Variants in F12 observed in about 807,000 individuals in gnomAD.
The protein encoded by F12 is Hageman factor.
A neutral mutation model predicts 74.8 loss-of-function variants in F12; 70 were observed. The observed-to-expected ratio is 0.94, with a 90% CI of 0.77 to 1.14. F12 has a LOEUF of 1.14. Ranked by LOEUF, F12 falls within the 50% of genes most tolerant of loss-of-function variation. F12 has a pLI of 0.00. For missense variants in F12, 811 were observed against 835.7 expected (o/e 0.97, Z 0.36); for synonymous variants, 373 against 356.4 (o/e 1.05, Z -0.52).
In F12 at chr5:177,403,628, G is replaced by T. The variant is rs368092730; in HGVS notation, c.1251-11C>A. On this transcript the variant is annotated splice_polypyrimidine_tract_variant and intron_variant, in intron 10 of 13. Transcript: ENST00000253496. ...TCCTCGGGTGCGGGCCTGCGGGGGG[G>T]GTAGGGGAGAGGCAGCGCTCTCAGA... The T allele has an allele frequency of 2.5e-6, 4 of 1,600,530 alleles. No individual in the cohort carries two copies. Among genetic ancestry groups the T allele is most frequent in the Admixed American group, 1.7e-5 (1 of 59,864 alleles).
At position 177,404,004 on chromosome 5, in the gene F12, A is replaced by G. The variant is rs756465311; in HGVS notation, c.1105T>C (p.Ser369Pro). The change falls in exon 10 of 14, where the codon TCG (serine) becomes CCG (proline). Residue 369 changes from serine (S) to proline (P), a missense_variant. Transcript: ENST00000253496. ...AGCCCGCCAACGACGCGGGTCATCGAAGACAGACTCTTGCGGAGCCGCTGC... is the reference window on the plus strand; with the variant it reads ...AGCCCGCCAACGACGCGGGTCATCGGAGACAGACTCTTGCGGAGCCGCTGC... ...CGQRLRKSLS[S>P]MTRVVGGLVA... 8 of 1,602,810 alleles carry G rather than the reference A, an allele frequency of 5.0e-6. No individual in the cohort carries two copies. The highest frequency in any genetic ancestry group is 6.8e-6 in the Non-Finnish European group (8 of 1,179,696).
chr5:177,403,148 C>A, intron 12 of F12, 106 bp downstream of exon 12: 1 of 1,476,736 alleles, frequency 6.8e-7, no homozygotes, highest in Non-Finnish European at 9.3e-7. Flanking sequence ...TCAGCGCCAC[C>A]CATTCTGTAG....
Position 177,403,292 on chromosome 5 carries a change from G to A in F12, c.1493C>T (p.Thr498Met), listed in dbSNP as rs1276341896. 5 of 1,600,240 alleles carry A rather than the reference G, an allele frequency of 3.1e-6. No homozygotes were observed. Among genetic ancestry groups the A allele is most frequent in the African/African-American group, 1.3e-5 (1 of 75,048 alleles). The change falls in exon 12 of 14, where the codon ACG becomes ATG. Residue 498 changes from threonine (T) to methionine (M), a missense_variant. Thr to Met is a moderately conservative substitution (Grantham distance 81). Transcript: ENST00000253496. The stretch of plus-strand genomic sequence containing the variant: ...GCCCCAGCCGGCCACCTGGCAGAGC[G>A]TGGTCTCGGAGGGTCGCGCGGCGCC... ...PSGAARPSET[T>M]LCQVAGWGHQ...
chr5:177,405,466 G>A, intron 4 of F12, 33 bp from the exon 5 acceptor site: 2 of 1,595,586 alleles, frequency 1.3e-6, no homozygotes, highest in Middle Eastern at 1.7e-4. Flanking sequence ...GGAAGAGCAG[G>A]GAGCTGAGTC....
At chr5:177,408,951 G>A (rs1763346768) in intron 2 of F12, 95 bp downstream of exon 2, 3 of 1,168,092 alleles carry the variant, frequency 2.6e-6, no homozygotes, top group South Asian at 2.6e-5. Context: ...CCTAGCACCA[G>A]GTAGGCACTA....
At position 177,402,296 on chromosome 5, in the gene F12, G is replaced by C. The variant is rs371796936; in HGVS notation, c.1844C>G (p.Ser615Cys). 6.2e-7 allele frequency: 1 copy of C among 1,613,690 alleles called. No homozygotes were observed. The highest frequency in any genetic ancestry group is 8.5e-7 in the Non-Finnish European group (1 of 1,179,958). ...GAAAGATGAGTCCCTGAGCAATCAG[G>C]AAACGGTGTGCTCCCGGATCCAGGC... ...YLAWIREHTVS is the reference protein window; with the variant it reads ...YLAWIREHTVC The change falls in exon 14 of 14, where the codon TCC becomes TGC. Residue 615 changes from serine (S) to cysteine (C), a missense_variant. By Grantham distance (112) the Ser-to-Cys change is moderately radical. Coordinates refer to ENST00000253496, the MANE Select transcript of F12 (RefSeq NM_000505.4).
chr5:177,407,403 A>C (rs903814393), intron 2 of F12, among the ~76,000 whole-genome samples: 1 of 152,228 alleles, frequency 6.6e-6, no homozygotes, highest in Non-Finnish European at 1.5e-5. Flanking sequence ...AGCTTTTGCC[A>C]CTATTTTGTT....
At chr5:177,405,856 C>T (rs562013977) in intron 3 of F12, 51 bp from the exon 4 acceptor site, 1 of 1,606,818 alleles carries the variant, frequency 6.2e-7, no homozygotes, top group Non-Finnish European at 8.5e-7. Context: ...CTGGCCCACC[C>T]TGCCCTATCA....
chr5:177,406,770 A>G (rs1432503398), intron 2 of F12, among the ~76,000 whole-genome samples: 3 of 152,202 alleles, frequency 2.0e-5, no homozygotes, highest in Non-Finnish European at 2.9e-5. Flanking sequence ...CTACTTGCTG[A>G]ATTTTATTTG....
At chr5:177,403,735 G>A (rs1232518718) in intron 10 of F12, 118 bp from the exon 11 acceptor site, 24 of 1,494,258 alleles carry the variant, frequency 1.6e-5, no homozygotes, top group Admixed American at 4.0e-5. Context: ...GAGCTCCGGA[G>A]GGGCGTGGAA....
rs1468685495 is a variant in F12 at position 177,404,356 on chromosome 5, G to A, written c.858C>T (p.Ser286=). Residue 286 remains serine, a synonymous_variant, in exon 9 of 14, where the codon AGC becomes AGT. Transcript: ENST00000253496. The part of the protein sequence containing the change: ...WCFVLNRDRL[S]WEYCDLAQCQ... ...ACTGTGCCAGGTCGCAGTACTCCCA[G>A]CTCAGCCGGTCGCGGTTCAGCACGA... The A allele has an allele frequency of 1.2e-6, 2 of 1,611,778 alleles. No homozygotes were observed. The highest frequency in any genetic ancestry group is 1.1e-5 in the South Asian group (1 of 90,950).
Position 177,405,952 on chromosome 5 carries a change from G to A in F12, c.215+10C>T, listed in dbSNP as rs775996063. The A allele has an allele frequency of 2.0e-5, 32 of 1,612,576 alleles. No homozygotes were observed. Among genetic ancestry groups the A allele is most frequent in the Middle Eastern group, 1.6e-4 (1 of 6,082 alleles). ...CAGGCCCCTGCTCCAACTCCTCTGC[G>A]TAGTCTTACCAGGGCTGAGGGCCTG... On this transcript the variant is annotated intron_variant, in intron 3 of 13. Transcript: ENST00000253496.
At chr5:177,407,661 C>T (rs947204807) in intron 2 of F12, among the ~76,000 whole-genome samples, 1 of 152,072 alleles carries the variant, frequency 6.6e-6, no homozygotes, top group Non-Finnish European at 1.5e-5. Flanking sequence ...AGTTGTGTGC[C>T]TGTAATCCCA....
In F12 at chr5:177,405,774, G is replaced by T. The variant is rs201513662; in HGVS notation, c.247C>A (p.Gln83Lys). ...CATTPNFDQD[Q>K]RWGYCLEPKK... ...GGCTCCAAACAGTATCCCCATCGCT[G>T]GTCCTGATCAAAGTTGGGGGTGGTA... The change falls in exon 4 of 14, where the codon CAG becomes AAG. Residue 83 changes from glutamine (Q) to lysine (K), a missense_variant. Physicochemically the swap from Gln to Lys is moderately conservative, Grantham distance 53. Transcript: ENST00000253496. 1 of 1,614,192 alleles carries T rather than the reference G, an allele frequency of 6.2e-7. No individual in the cohort carries two copies. Among genetic ancestry groups the T allele is most frequent in the African/African-American group, 1.3e-5 (1 of 75,038 alleles).
At chr5:177,406,248 G>C (rs1763288001) in intron 2 of F12, among the ~76,000 whole-genome samples, 187 bp from the exon 3 acceptor site, 1 of 152,212 alleles carries the variant, frequency 6.6e-6, no homozygotes, top group Non-Finnish European at 1.5e-5. Context: ...CAGCACTTTG[G>C]GAGGCCAAGG....
At position 177,402,348 on chromosome 5, in the gene F12, C is replaced by T. The variant is rs775251344; in HGVS notation, c.1792G>A (p.Val598Ile). The change falls in exon 14 of 14, where the codon GTC becomes ATC. Residue 598 changes from valine (V) to isoleucine (I), a missense_variant. Physicochemically the swap from Val to Ile is conservative, Grantham distance 29 (BLOSUM62 3). Coordinates refer to ENST00000253496, the MANE Select transcript of F12 (RefSeq NM_000505.4). ...AGGTAGTAGGCCACATCGGTGTAGA[C>T]GCCTGGCTTGTTGCGGTCACCACAG... ...SGCGDRNKPGVYTDVAYYLAW... is the reference protein window; with the variant it reads ...SGCGDRNKPGIYTDVAYYLAW... The T allele has an allele frequency of 1.2e-6, 2 of 1,613,784 alleles. No homozygotes were observed. The highest frequency in any genetic ancestry group is 1.7e-6 in the Non-Finnish European group (2 of 1,179,988).
chr5:177,408,967 G>C, intron 2 of F12, 79 bp downstream of exon 2: 1 of 1,387,872 alleles, frequency 7.2e-7, no homozygotes. Context: ...CACTAGACTA[G>C]ACTGCCCTGA....
At chr5:177,408,992 C>T in intron 2 of F12, 54 bp downstream of exon 2, 1 of 1,518,752 alleles carries the variant, frequency 6.6e-7, no homozygotes, top group Non-Finnish European at 8.9e-7. Context: ...GCACACACTG[C>T]ACCATACACA....
At chr5:177,407,306 GTC>G (rs1763315858) in intron 2 of F12, among the ~76,000 whole-genome samples, 1 of 152,198 alleles carries the variant, frequency 6.6e-6, no homozygotes, top group Non-Finnish European at 1.5e-5. Context: ...AATTGCCTGT[GTC>G]TTCTTCAGAG....
Sources: gnomAD v4.1 joint callset for allele counts (sites outside exome capture counted in the v4.1 genomes callset) on GRCh38, gnomAD v4.1.1 for gene constraint, MANE v1.5 for transcripts, NCBI Gene and HGNC (gene_info 2026-07-23, HGNC 2026-07-21) for gene names.